Variants in LAMA1 observed in about 807,000 individuals in gnomAD.
LAMA1 encodes laminin subunit alpha 1.
A neutral mutation model predicts 348.7 loss-of-function variants in LAMA1; 219 were observed. The observed-to-expected ratio is 0.63, with a 90% CI of 0.56 to 0.70. The LOEUF (loss-of-function observed/expected upper bound fraction) is 0.70, where lower values mean the gene tolerates loss of function less well. Among genes scored for constraint, LAMA1 ranks in the 30% least tolerant of loss-of-function variants. The pLI, the probability that LAMA1 is intolerant of heterozygous loss-of-function variation, is 0.00. For missense variants in LAMA1, 3,744 were observed against 3,888.0 expected, an observed-to-expected ratio of 0.96 and a Z score of 0.99; for synonymous variants, 1,487 against 1,491.0, an observed-to-expected ratio of 1.00 and a Z score of 0.06.
intron 54 of LAMA1, 49 bp from the exon 55 acceptor site, chr18:6,958,711 A>G (rs201336593): frequency 6.4e-5 from 95 of 1,480,254 alleles, no homozygotes; most frequent in Non-Finnish European, 8.2e-5. Context: ...ACATAATGAA[A>G]TAATAATTCC....
rs2057894051 is a variant in LAMA1 at position 7,017,385 on chromosome 18, C to CT, written c.2702-2dup. On this transcript the variant is annotated splice_acceptor_variant, in intron 19 of 62. Coordinates refer to ENST00000389658, the MANE Select transcript of LAMA1 (RefSeq NM_005559.4). LOFTEE classifies it high-confidence loss of function. ...GAGCCTTTCACATGGCATTCACAGG[C>CT]TAAACACATGCACACAAAGACATAT... The CT allele has an allele frequency of 6.2e-7, 1 of 1,609,078 alleles. No homozygotes were observed. Among genetic ancestry groups the CT allele is most frequent in the African/African-American group, 1.3e-5 (1 of 74,734 alleles).
At chr18:7,078,915 A>C (rs977632183) in intron 3 of LAMA1, among the ~76,000 whole-genome samples, 1 of 152,162 alleles carries the variant, frequency 6.6e-6, no homozygotes, top group African/African-American at 2.4e-5. Flanking sequence ...TGAACCGGGG[A>C]GGCGGAAGTT....
intron 1 of LAMA1, among the ~76,000 whole-genome samples, chr18:7,100,804 G>A (rs569221300): frequency 6.6e-6 from 1 of 152,300 alleles, no homozygotes; most frequent in Admixed American, 6.5e-5. Context: ...GAGGTCAGGA[G>A]TTCTAGACTA....
intron 43 of LAMA1, 22 bp from the exon 44 acceptor site, chr18:6,977,903 G>A: frequency 6.2e-7 from 1 of 1,608,112 alleles, no homozygotes; most frequent in Non-Finnish European, 8.5e-7. Context: ...AAGAAGGCAA[G>A]GGGTGGCAAG....
chr18:7,070,252 G>A (rs1318360400), intron 3 of LAMA1, among the ~76,000 whole-genome samples: 2 of 152,122 alleles, frequency 1.3e-5, no homozygotes, highest in African/African-American at 4.8e-5. Flanking sequence ...TGAAGTAATA[G>A]AAAACTGGAA....
chr18:7,082,566 A>G (rs1281974731), intron 1 of LAMA1, among the ~76,000 whole-genome samples: 3 of 152,194 alleles, frequency 2.0e-5, no homozygotes, highest in Non-Finnish European at 1.5e-5. Context: ...CGTTTATTCT[A>G]TTTAGTACTA....
intron 19 of LAMA1, among the ~76,000 whole-genome samples, chr18:7,017,595 A>G (rs761866271): frequency 6.6e-6 from 1 of 152,228 alleles, no homozygotes; most frequent in Non-Finnish European, 1.5e-5. Context: ...ATCACAGGAA[A>G]AACACATTGA....
In LAMA1 at chr18:6,966,135, A is replaced by C; in HGVS notation, c.7050+12T>G. 1 of 1,614,090 alleles carries C rather than the reference A, an allele frequency of 6.2e-7. No homozygotes were observed. Among genetic ancestry groups the C allele is most frequent in the Non-Finnish European group, 8.5e-7 (1 of 1,179,942 alleles). ...TATACAGTAGGGCCTAGGGCCGCACAAACACTCTTACTGTGCCGTATGAAC... is the reference window on the plus strand; with the variant it reads ...TATACAGTAGGGCCTAGGGCCGCACCAACACTCTTACTGTGCCGTATGAAC... On this transcript the variant is annotated intron_variant, in intron 49 of 62. Transcript: ENST00000389658.
chr18:7,034,276 A>T (rs1340569668), intron 14 of LAMA1, among the ~76,000 whole-genome samples: 1 of 152,198 alleles, frequency 6.6e-6, no homozygotes, highest in Non-Finnish European at 1.5e-5. Context: ...CTTCTACTGG[A>T]TACACTTGAT....
At chr18:7,112,553 T>C (rs1233669367) in intron 1 of LAMA1, among the ~76,000 whole-genome samples, 1 of 152,016 alleles carries the variant, frequency 6.6e-6, no homozygotes, top group Admixed American at 6.6e-5. Context: ...CTACCTATAG[T>C]ACCTTTTGCA....
At chr18:7,033,205 G>C (rs574952020) in intron 14 of LAMA1, 110 bp from the exon 15 acceptor site, 1 of 789,910 alleles carries the variant, frequency 1.3e-6, no homozygotes. Context: ...AGTGGCTCAC[G>C]CCTGTAATCC....
Position 6,978,217 on chromosome 18 carries a change from G to A in LAMA1, c.6169C>T (p.Leu2057=). The A allele has an allele frequency of 6.2e-7, 1 of 1,614,234 alleles. No individual in the cohort carries two copies. Among genetic ancestry groups the A allele is most frequent in the Non-Finnish European group, 8.5e-7 (1 of 1,180,038 alleles). The change falls in exon 43 of 63, where the codon CTG becomes TTG. Residue 2057 remains leucine, a synonymous_variant. Coordinates refer to ENST00000389658, the MANE Select transcript of LAMA1 (RefSeq NM_005559.4). ...NTTLRETHQL[L]QDSTMATLLA... ...ATACTGGCCATGGTGGAGTCCTGCAGAAGCTGGTGTGTCTCTCGTAATGTG... is the reference window on the plus strand; with the variant it reads ...ATACTGGCCATGGTGGAGTCCTGCAAAAGCTGGTGTGTCTCTCGTAATGTG...
At chr18:7,032,234 G>T in intron 15 of LAMA1, 58 bp from the exon 16 acceptor site, 1 of 1,071,242 alleles carries the variant, frequency 9.3e-7, no homozygotes, top group Non-Finnish European at 1.4e-6. Context: ...AAACTGCTCA[G>T]TTGCCAGAGT....
Position 6,975,043 on chromosome 18 carries a change from G to A in LAMA1, c.6490-7C>T, listed in dbSNP as rs374269357. ...CCACTGCAAGGAAATCAGACTGGGG[G>A]GCGAGGAATGAACGGGGATCAGTTT... On this transcript the variant is annotated splice_region_variant and splice_polypyrimidine_tract_variant and intron_variant, in intron 45 of 62. Coordinates refer to ENST00000389658, the MANE Select transcript of LAMA1 (RefSeq NM_005559.4). 58 of 1,613,110 alleles carry A rather than the reference G, an allele frequency of 3.6e-5. 1 individual carries two copies. The highest frequency in any genetic ancestry group is 1.8e-4 in the South Asian group (16 of 90,952).
At chr18:6,985,179 C>T in intron 39 of LAMA1, 58 bp downstream of exon 39, 1 of 1,587,262 alleles carries the variant, frequency 6.3e-7, no homozygotes, top group Non-Finnish European at 8.7e-7. Context: ...AAACATCCAT[C>T]TATTTCTCCG....
In LAMA1 at chr18:6,978,255, G is replaced by C. The variant is rs142732096; in HGVS notation, c.6131C>G (p.Ser2044Cys). 8.1e-6 allele frequency: 13 copies of C among 1,614,222 alleles called. No homozygotes were observed. The Admixed American group carries it at 1.7e-4, about 21-fold the overall frequency. Residue 2044 changes from serine (S) to cysteine (C), a missense_variant, in exon 43 of 63, where the codon TCC (serine) becomes TGC (cysteine). Transcript: ENST00000389658. ...QELLNTSASL[S>C]RVNTTLRETH... ...CTCTCGTAATGTGGTGTTGACCCTG[G>C]ACAGGCTGGCAGATGTGTTCAGCAG... is the stretch of plus-strand genomic sequence containing the variant.
At chr18:7,016,388 A>G in intron 21 of LAMA1, 103 bp downstream of exon 21, 1 of 1,262,816 alleles carries the variant, frequency 7.9e-7, no homozygotes, top group Non-Finnish European at 1.1e-6. Context: ...AAAGAAGAGA[A>G]AAAGTAAAGG....
At chr18:7,117,466 C>A (rs2058362263) in intron 1 of LAMA1, among the ~76,000 whole-genome samples, 194 bp downstream of exon 1, 1 of 152,130 alleles carries the variant, frequency 6.6e-6, no homozygotes, top group East Asian at 1.9e-4. Flanking sequence ...CGGGCAGCGT[C>A]CGGCAGGAGC....
In LAMA1 at chr18:7,034,465, T is replaced by C; in HGVS notation, c.2051+14A>G. 1.2e-6 allele frequency: 2 copies of C among 1,605,156 alleles called. No homozygotes were observed. The highest frequency in any genetic ancestry group is 1.7e-6 in the Non-Finnish European group (2 of 1,172,128). ...ACCTTCACCGTAAGTTTTTCCTCCATTTTCAATACATACCTGTAAAGAGCC... is the reference window on the plus strand; with the variant it reads ...ACCTTCACCGTAAGTTTTTCCTCCACTTTCAATACATACCTGTAAAGAGCC... On this transcript the variant is annotated intron_variant, in intron 14 of 62. Transcript: ENST00000389658.
Sources: allele counts gnomAD v4.1 joint callset (sites outside exome capture counted in the v4.1 genomes callset), GRCh38; gene constraint gnomAD v4.1.1; transcripts MANE v1.5; gene names NCBI Gene and HGNC (gene_info 2026-07-23, HGNC 2026-07-21).